Variants in PTN observed in about 807,000 individuals in gnomAD.
PTN encodes heparin affin regulatory protein.
In PTN, 18 loss-of-function variants were observed where a neutral mutation model predicts 24.1. That is an observed-to-expected ratio of 0.75 (90% confidence interval 0.52 to 1.11). The LOEUF is 1.11. Among genes scored for constraint, PTN ranks in the 50% least tolerant of loss-of-function variants. The probability of loss-of-function intolerance (pLI) is 0.00; values close to 1 mark genes in which losing one functional copy is unlikely to be tolerated. For synonymous variants in PTN, 78 were observed against 68.6 expected, an observed-to-expected ratio of 1.14 and a Z score of -0.67; for missense variants, 163 against 198.8, an observed-to-expected ratio of 0.82 and a Z score of 1.08.
At chr7:137,276,858 T>C (rs565237820) in intron 1 of PTN, among the ~76,000 whole-genome samples, 1 of 152,228 alleles carries the variant, frequency 6.6e-6, no homozygotes, top group Non-Finnish European at 1.5e-5. Context: ...TGAAAAGCTG[T>C]AGCAGTTTTC....
In PTN at chr7:137,227,966, A is replaced by T; in HGVS notation, c.*54T>A. On this transcript the variant is annotated 3_prime_UTR_variant, in exon 5 of 5. Transcript: ENST00000348225. ...AGCCTACGGTACATATAAATGCAAT[A>T]GTTAACTGATCCTGTTTGCTGATGT... 6.3e-7 allele frequency: 1 copy of T among 1,595,358 alleles called. No individual in the cohort carries two copies. The highest frequency in any genetic ancestry group is 8.5e-7 in the Non-Finnish European group (1 of 1,172,756).
At chr7:137,266,868 CTTTTTTT>C (rs57274644) in intron 1 of PTN, among the ~76,000 whole-genome samples, 2 of 98,766 alleles carry the variant, frequency 2.0e-5, no homozygotes, top group East Asian at 7.5e-4. Context: ...TATAGATGGC[CTTTTTTT>C]TTTTTTTTTT....
intron 1 of PTN, among the ~76,000 whole-genome samples, chr7:137,334,074 A>G (rs1198975331): frequency 6.6e-6 from 1 of 152,226 alleles, no homozygotes; most frequent in Non-Finnish European, 1.5e-5. Context: ...CGCTAGACCT[A>G]AAACCATAAA....
chr7:137,287,639 G>A (rs1809578112), intron 1 of PTN: 1 of 152,120 alleles, frequency 6.6e-6, no homozygotes, highest in Non-Finnish European at 1.5e-5. Context: ...ACGTGTGACA[G>A]TGCCTATATT....
chr7:137,253,603 C>A lies in PTN; in HGVS notation c.150G>T (p.Trp50Cys). Reference sequence around the variant, plus strand: ...TGGTGGGCACACACACACTCCACTGCCATTCTCCACAGTCAGACTTCTTCA... The same window carrying A: ...TGGTGGGCACACACACACTCCACTGACATTCTCCACAGTCAGACTTCTTCA... The part of the protein sequence containing the change: ...KKVKKSDCGE[W>C]QWSVCVPTSG... Residue 50 changes from tryptophan (W) to cysteine (C), a missense_variant, in exon 3 of 5, where the codon TGG (tryptophan) becomes TGT (cysteine). Physicochemically the swap from Trp to Cys is radical, Grantham distance 215. Coordinates refer to ENST00000348225, the MANE Select transcript of PTN (RefSeq NM_002825.7). 6.4e-7 allele frequency: 1 copy of A among 1,570,280 alleles called. No homozygotes were observed. The highest frequency in any genetic ancestry group is 8.7e-7 in the Non-Finnish European group (1 of 1,153,984).
chr7:137,304,254 T>G (rs1809851503), intron 1 of PTN, among the ~76,000 whole-genome samples: 1 of 151,938 alleles, frequency 6.6e-6, no homozygotes, highest in African/African-American at 2.4e-5. Context: ...CACAGTTACT[T>G]TGGGTTACAA....
intron 1 of PTN, among the ~76,000 whole-genome samples, chr7:137,311,144 A>G (rs972765133): frequency 6.6e-6 from 1 of 151,708 alleles, no homozygotes; most frequent in Non-Finnish European, 1.5e-5. Context: ...AGGCATGAGA[A>G]CTGCTTGACC....
chr7:137,323,373 A>C (rs1562923392), intron 1 of PTN, among the ~76,000 whole-genome samples: 1 of 152,232 alleles, frequency 6.6e-6, no homozygotes, highest in African/African-American at 2.4e-5. Flanking sequence ...ATATACTTTT[A>C]GTTAATATAT....
intron 1 of PTN, among the ~76,000 whole-genome samples, chr7:137,299,074 C>T (rs953416034): frequency 1.3e-5 from 2 of 151,968 alleles, no homozygotes; most frequent in African/African-American, 2.4e-5. Context: ...TACACACTTC[C>T]TCTATGGACC....
At chr7:137,328,591 G>A (rs1474517648) in intron 1 of PTN, among the ~76,000 whole-genome samples, 1 of 152,176 alleles carries the variant, frequency 6.6e-6, no homozygotes, top group East Asian at 1.9e-4. Flanking sequence ...CGGCACTGTG[G>A]CCTCCCCAAG....
chr7:137,343,648 T>A lies in PTN; in HGVS notation c.-211A>T. On this transcript the variant is annotated 5_prime_UTR_variant, in exon 1 of 5. Coordinates refer to ENST00000348225, the MANE Select transcript of PTN (RefSeq NM_002825.7). ...CTGCTCTGGGGCTCTCTTGGCGGGA[T>A]TTTTGGACTGGAAGGCGGGGAACCT... 1 of 518,264 alleles carries A rather than the reference T, an allele frequency of 1.9e-6. No homozygotes were observed. Among genetic ancestry groups the A allele is most frequent in the South Asian group, 1.4e-5 (1 of 71,438 alleles). The allele number at this position is 518,264 out of a possible 1,614,324, so 32.1% of individuals were successfully genotyped here.
At chr7:137,239,132 G>A (rs1318117900) in intron 4 of PTN, among the ~76,000 whole-genome samples, 1 of 152,114 alleles carries the variant, frequency 6.6e-6, no homozygotes, top group Non-Finnish European at 1.5e-5. Flanking sequence ...AGCTGCCCCA[G>A]CAATTAGGAC....
intron 1 of PTN, among the ~76,000 whole-genome samples, chr7:137,272,243 C>A (rs322240): frequency 0.65 from 98,893 of 152,106 alleles, 33,493 homozygotes; most frequent in Admixed American, 0.75. Flanking sequence ...CTTGGAGGCA[C>A]CTTTCAGTCT....
intron 1 of PTN, among the ~76,000 whole-genome samples, chr7:137,342,067 C>T (rs532644310): frequency 6.6e-6 from 1 of 152,098 alleles, no homozygotes; most frequent in Non-Finnish European, 1.5e-5. Context: ...GAAAATACAG[C>T]TTTATTTTCT....
In PTN at chr7:137,249,272, C is replaced by CAT. The variant is rs377703346; in HGVS notation, c.451+1957_451+1958insAT. Among the ~76,000 whole-genome samples the CAT allele has an allele frequency of 2.8e-5, 4 of 145,372 alleles. No homozygotes were observed. The South Asian group carries it at 9.0e-4, about 33-fold the overall frequency. ...CCATAGGAAAGAACAGGACAGTGCACGTGTGTGTGTGTGTGTGTGTGTGTG... is the reference window on the plus strand; with the variant it reads ...CCATAGGAAAGAACAGGACAGTGCACATGTGTGTGTGTGTGTGTGTGTGTGTG... On this transcript the variant is annotated intron_variant, in intron 4 of 4. Transcript: ENST00000348225.
intron 1 of PTN, among the ~76,000 whole-genome samples, chr7:137,327,361 G>A (rs116066005): frequency 2.0e-5 from 3 of 151,624 alleles, no homozygotes; most frequent in Admixed American, 6.6e-5. Flanking sequence ...TTTTCTAACC[G>A]TTGCTTCCAC....
chr7:137,288,003 A>G (rs943258002), intron 1 of PTN, among the ~76,000 whole-genome samples: 1 of 152,222 alleles, frequency 6.6e-6, no homozygotes, highest in African/African-American at 2.4e-5. Flanking sequence ...CCGCAGCAGC[A>G]AAGAGGATAA....
chr7:137,310,865 T>C (rs1248542876), intron 1 of PTN, among the ~76,000 whole-genome samples: 2 of 152,200 alleles, frequency 1.3e-5, no homozygotes, highest in Non-Finnish European at 2.9e-5. Flanking sequence ...GTTACTTTCC[T>C]TAAACCTCAT....
At chr7:137,316,932 A>G (rs547101534) in intron 1 of PTN, among the ~76,000 whole-genome samples, 1 of 152,212 alleles carries the variant, frequency 6.6e-6, no homozygotes, top group African/African-American at 2.4e-5. Context: ...GGAGTTTCCC[A>G]GGCCCCTTAG....
Sources: gnomAD v4.1 joint callset for allele counts (sites outside exome capture counted in the v4.1 genomes callset) on GRCh38, gnomAD v4.1.1 for gene constraint, MANE v1.5 for transcripts, NCBI Gene and HGNC (gene_info 2026-07-23, HGNC 2026-07-21) for gene names.